Variants in RALGPS1 observed in about 807,000 individuals in gnomAD.
RALGPS1 encodes the protein ras-specific guanine nucleotide-releasing factor RalGPS1.
RALGPS1 carries 19 observed loss-of-function variants against 78.8 expected under a neutral mutation model. The observed-to-expected ratio is 0.24, with a 90% CI of 0.17 to 0.35. The LOEUF (loss-of-function observed/expected upper bound fraction) is 0.35, where lower values mean the gene tolerates loss of function less well. Ranked by LOEUF, RALGPS1 falls within the 10% of genes least tolerant of loss-of-function variation. RALGPS1 has a pLI of 1.00. For missense variants in RALGPS1, 454 were observed against 688.3 expected, an observed-to-expected ratio of 0.66 and a Z score of 3.81; for synonymous variants, 228 against 256.3, an observed-to-expected ratio of 0.89 and a Z score of 1.06.
At chr9:127,179,442 G>A (rs1355023802) in intron 11 of RALGPS1, among the ~76,000 whole-genome samples, 5 of 152,306 alleles carry the variant, frequency 3.3e-5, no homozygotes, top group African/African-American at 9.6e-5. Flanking sequence ...CAGACTCAGG[G>A]ACAGGAATGT....
At chr9:126,950,167 A>G (rs574791471) in intron 1 of RALGPS1, among the ~76,000 whole-genome samples, 171 of 152,190 alleles carry the variant, frequency 1.1e-3, no homozygotes, top group Middle Eastern at 3.4e-3. Flanking sequence ...TGTTCCATTG[A>G]TCTATATCTC....
rs528783067 is a variant in RALGPS1, at chr9:126,920,712, G to A, written c.-66+5737G>A. ...CATTAACCTGCCTTGCTGGGCTCTT[G>A]CTTTGGGCTCAACCTTGTAATGGAT... On this transcript the variant is annotated intron_variant, in intron 1 of 18. Transcript: ENST00000259351. Among the ~76,000 whole-genome samples, 3 of 152,304 alleles carry A rather than the reference G, an allele frequency of 2.0e-5. No homozygotes were observed. The East Asian group carries it at 5.8e-4, about 29-fold the overall frequency.
rs1324966163 is a variant in RALGPS1, at chr9:127,174,724, C to T, written c.852C>T (p.Leu284=). The change falls in exon 11 of 19, where the codon CTC becomes CTT. Residue 284 remains leucine (L), a synonymous_variant. Transcript: ENST00000259351. ...FVEDDNYKLS[L]RIEPGSSSPR... is the part of the protein sequence containing the mutation. ...AAATCTTTGTTTTCAGACTGTCGCT[C>T]AGAATCGAACCAGGAAGCAGCTCTC... 1 of 1,614,014 alleles carries T rather than the reference C, an allele frequency of 6.2e-7. No individual in the cohort carries two copies. Among genetic ancestry groups the T allele is most frequent in the Non-Finnish European group, 8.5e-7 (1 of 1,180,006 alleles).
intron 4 of RALGPS1, among the ~76,000 whole-genome samples, chr9:127,026,728 T>TC (rs2045993290): frequency 6.6e-6 from 1 of 152,224 alleles, no homozygotes; most frequent in Admixed American, 6.5e-5. Flanking sequence ...GTGACTTTTT[T>TC]CCCCTGGCTT....
intron 8 of RALGPS1, among the ~76,000 whole-genome samples, chr9:127,127,480 G>T (rs980598931): frequency 6.6e-6 from 1 of 152,126 alleles, no homozygotes; most frequent in Non-Finnish European, 1.5e-5. Context: ...AGCCTAGTTG[G>T]TTGGTTGTCC....
intron 1 of RALGPS1, among the ~76,000 whole-genome samples, chr9:126,958,142 A>AAAAAAAAATATATAT (rs113413659): frequency 2.0e-3 from 151 of 76,900 alleles, no homozygotes; most frequent in Middle Eastern, 0.013. Flanking sequence ...AAAAAAAAAA[A>AAAAAAAAATATATAT]ATATATATAT....
At chr9:126,960,521 ACTGTGCCT>A in intron 1 of RALGPS1, among the ~76,000 whole-genome samples, 3 of 151,980 alleles carry the variant, frequency 2.0e-5, no homozygotes, top group Non-Finnish European at 4.4e-5. Context: ...GGTGTGAGCC[ACTGTGCCT>A]GGCCACCCCT....
At chr9:127,187,265 C>A (rs919535628) in intron 11 of RALGPS1, among the ~76,000 whole-genome samples, 13 of 152,196 alleles carry the variant, frequency 8.5e-5, no homozygotes, top group Admixed American at 8.5e-4. Context: ...CCACTACAGA[C>A]TTCCTGGAGG....
chr9:127,038,517 AC>A (rs2047041273), intron 5 of RALGPS1, among the ~76,000 whole-genome samples: 1 of 152,186 alleles, frequency 6.6e-6, no homozygotes, highest in South Asian at 2.1e-4. Flanking sequence ...CTATCTCTAA[AC>A]AGTTACTCTT....
chr9:127,189,480 C>A (rs2060902209), intron 11 of RALGPS1, among the ~76,000 whole-genome samples: 1 of 152,206 alleles, frequency 6.6e-6, no homozygotes, highest in African/African-American at 2.4e-5. Context: ...CGTCGCCAGC[C>A]AGGTTCTGGA....
intron 5 of RALGPS1, among the ~76,000 whole-genome samples, chr9:127,040,682 A>G (rs999868113): frequency 1.3e-5 from 2 of 152,050 alleles, no homozygotes; most frequent in Admixed American, 6.5e-5. Flanking sequence ...TGCTCAAGGG[A>G]TCTGAGGCCA....
chr9:127,214,976 A>G, intron 18 of RALGPS1, 134 bp downstream of exon 18: 1 of 1,431,658 alleles, frequency 7.0e-7, no homozygotes, highest in Non-Finnish European at 9.3e-7. Context: ...TCTTCTGATC[A>G]GCATCTTCCC....
At chr9:127,033,131 G>T (rs1293304355) in intron 4 of RALGPS1, among the ~76,000 whole-genome samples, 1 of 152,198 alleles carries the variant, frequency 6.6e-6, no homozygotes, top group East Asian at 1.9e-4. Flanking sequence ...AGTTGTGAGG[G>T]TGTGAAGGAC....
intron 1 of RALGPS1, among the ~76,000 whole-genome samples, chr9:126,956,173 T>G (rs570030493): frequency 1.3e-5 from 2 of 152,132 alleles, no homozygotes; most frequent in African/African-American, 4.8e-5. Flanking sequence ...GGCACCCTGG[T>G]CTAGTCAGTC....
chr9:127,149,597 C>G (rs1182717388), intron 8 of RALGPS1, among the ~76,000 whole-genome samples: 3 of 152,252 alleles, frequency 2.0e-5, no homozygotes, highest in Admixed American at 1.3e-4. Flanking sequence ...GCCTACCCTC[C>G]AGGACTGGAT....
chr9:127,099,854 C>T (rs1291785707), intron 8 of RALGPS1, among the ~76,000 whole-genome samples: 2 of 152,226 alleles, frequency 1.3e-5, no homozygotes, highest in African/African-American at 2.4e-5. Context: ...GGTCCAAATG[C>T]TTGTGCCTGC....
chr9:127,002,580 A>G (rs1046504052), intron 4 of RALGPS1, among the ~76,000 whole-genome samples: 1 of 139,976 alleles, frequency 7.1e-6, no homozygotes, highest in African/African-American at 2.6e-5. Flanking sequence ...ATATCTCCCA[A>G]TGCTATCCCT....
chr9:127,071,087 C>G (rs2050162167), intron 8 of RALGPS1, among the ~76,000 whole-genome samples: 1 of 145,046 alleles, frequency 6.9e-6, no homozygotes, highest in African/African-American at 2.6e-5. Context: ...TAAAAATATA[C>G]TAAAACTAAA....
At chr9:127,126,700 T>C (rs1197393804) in intron 8 of RALGPS1, among the ~76,000 whole-genome samples, 1 of 152,262 alleles carries the variant, frequency 6.6e-6, no homozygotes, top group Non-Finnish European at 1.5e-5. Context: ...TTTCACTTGG[T>C]TTATTTTTAT....
Sources: gnomAD v4.1 joint callset for allele counts (sites outside exome capture counted in the v4.1 genomes callset) on GRCh38, gnomAD v4.1.1 for gene constraint, MANE v1.5 for transcripts, NCBI Gene and HGNC (gene_info 2026-07-23, HGNC 2026-07-21) for gene names.